The following TRIM9 variants were observed in gnomAD, a reference collection of about 807,000 sequenced individuals.
TRIM9 encodes the protein E3 ubiquitin-protein ligase TRIM9.
A neutral mutation model predicts 78.3 loss-of-function variants in TRIM9; 26 were observed. That is an observed-to-expected ratio of 0.33 (90% CI 0.24 to 0.46). TRIM9 has a LOEUF of 0.46. Among genes scored for constraint, TRIM9 ranks in the 20% least tolerant of loss-of-function variants. TRIM9 has a pLI of 1.00. For missense variants in TRIM9, 787 were observed against 1,036.4 expected, an observed-to-expected ratio of 0.76 and a Z score of 3.30; for synonymous variants, 398 against 416.5, an observed-to-expected ratio of 0.96 and a Z score of 0.54.
chr14:51,068,149 G>A (rs1402984579), intron 1 of TRIM9, among the ~76,000 whole-genome samples: 1 of 152,162 alleles, frequency 6.6e-6, no homozygotes, highest in Non-Finnish European at 1.5e-5. Flanking sequence ...AAGTTCCCAG[G>A]TGATGGTCTG....
At chr14:51,045,788 A>T (rs1354400643) in intron 1 of TRIM9, among the ~76,000 whole-genome samples, 1 of 152,164 alleles carries the variant, frequency 6.6e-6, no homozygotes, top group South Asian at 2.1e-4. Flanking sequence ...GTAATAAATA[A>T]TTTTTTTCAT....
chr14:51,041,940 T>C (rs968088464), intron 1 of TRIM9, among the ~76,000 whole-genome samples: 1 of 152,218 alleles, frequency 6.6e-6, no homozygotes, highest in Non-Finnish European at 1.5e-5. Flanking sequence ...TAACCTTGTA[T>C]CGCCGAATCC....
chr14:51,041,193 C>T (rs1566606968), intron 1 of TRIM9, among the ~76,000 whole-genome samples: 1 of 152,238 alleles, frequency 6.6e-6, no homozygotes, highest in Non-Finnish European at 1.5e-5. Flanking sequence ...ACAGTTTTCT[C>T]TCTGCTAGTT....
chr14:51,061,415 G>GAA lies in TRIM9; in HGVS notation c.822+32701_822+32702dup, dbSNP rs369630215. Among the ~76,000 whole-genome samples the GAA allele has an allele frequency of 5.5e-3, 734 of 133,826 alleles. 11 individuals carry two copies. In the East Asian group the frequency reaches 0.059, roughly 11 times the overall value. 87.8% of individuals were successfully genotyped at this position (133,826 alleles called of 152,430 possible). ...GTGACAAAGCAAGACTCTGTCTCAA[G>GAA]AAAAAAAAAAAAAAAATTGGATTGT... On this transcript the variant is annotated intron_variant, in intron 1 of 12. Coordinates refer to ENST00000684578, the MANE Select transcript of TRIM9 (RefSeq NM_001387360.1).
At chr14:51,011,046 G>A (rs187587691) in intron 3 of TRIM9, among the ~76,000 whole-genome samples, 5 of 152,310 alleles carry the variant, frequency 3.3e-5, no homozygotes, top group Admixed American at 6.5e-5. Context: ...GGACCTGGAA[G>A]GCCAAGGTGG....
intron 1 of TRIM9, among the ~76,000 whole-genome samples, chr14:51,087,667 A>G (rs1320190487): frequency 6.6e-6 from 1 of 152,228 alleles, no homozygotes; most frequent in African/African-American, 2.4e-5. Context: ...AATTGACCCA[A>G]AATGTCAATA....
intron 2 of TRIM9, among the ~76,000 whole-genome samples, chr14:51,024,412 T>C (rs1014002577): frequency 2.6e-5 from 4 of 152,222 alleles, no homozygotes; most frequent in African/African-American, 9.7e-5. Flanking sequence ...TGTAATTCTT[T>C]GAAAGGGTGG....
intron 1 of TRIM9, among the ~76,000 whole-genome samples, chr14:51,040,450 G>A (rs1451869212): frequency 2.0e-5 from 3 of 152,116 alleles, no homozygotes; most frequent in African/African-American, 4.8e-5. Context: ...TGGTCTGTGC[G>A]CCCTCCCACA....
intron 1 of TRIM9, among the ~76,000 whole-genome samples, chr14:51,031,715 TTTAA>T (rs1215816989): frequency 6.6e-6 from 1 of 152,222 alleles, no homozygotes; most frequent in Non-Finnish European, 1.5e-5. Context: ...TCCTTACCAC[TTTAA>T]TTAGTGTCCA....
chr14:51,053,597 T>TTTTTTTTTTTTTTTTTTTAG (rs2060638735), intron 1 of TRIM9, among the ~76,000 whole-genome samples: 1 of 91,910 alleles, frequency 1.1e-5, no homozygotes, highest in Non-Finnish European at 2.4e-5. Flanking sequence ...TTTTTTTAAT[T>TTTTTTTTTTTTTTTTTTTAG]TTTTTTTTTT....
chr14:51,017,956 A>C (rs1380002922), intron 3 of TRIM9, among the ~76,000 whole-genome samples: 1 of 152,076 alleles, frequency 6.6e-6, no homozygotes, highest in African/African-American at 2.4e-5. Flanking sequence ...AGAAGACTGC[A>C]AAATATGCCA....
chr14:51,066,349 A>G (rs113094847), intron 1 of TRIM9, among the ~76,000 whole-genome samples: 1 of 152,238 alleles, frequency 6.6e-6, no homozygotes, highest in African/African-American at 2.4e-5. Flanking sequence ...TTGCAAACCC[A>G]AAGGTCAGTA....
intron 7 of TRIM9, among the ~76,000 whole-genome samples, chr14:50,991,263 AACCAAAAATAGGGTT>A (rs2053474914): frequency 6.6e-6 from 1 of 152,214 alleles, no homozygotes; most frequent in African/African-American, 2.4e-5. Flanking sequence ...CACTTCCCAG[AACCAAAAATAGGGTT>A]CTGAATCTCA....
chr14:51,037,184 C>T (rs1469703648), intron 1 of TRIM9, among the ~76,000 whole-genome samples: 3 of 152,024 alleles, frequency 2.0e-5, no homozygotes, highest in East Asian at 1.9e-4. Flanking sequence ...AATTAAGAAG[C>T]GCCATTCTAA....
intron 1 of TRIM9, among the ~76,000 whole-genome samples, chr14:51,044,613 C>T (rs1018835809): frequency 6.6e-6 from 1 of 152,200 alleles, no homozygotes; most frequent in African/African-American, 2.4e-5. Flanking sequence ...ATGGAAACTT[C>T]AGGCCAAGGA....
rs1274089751 is a variant in TRIM9 at position 51,094,775 on chromosome 14, G to A, written c.165C>T (p.Ser55=). The A allele has an allele frequency of 2.6e-6, 4 of 1,527,598 alleles. No homozygotes were observed. Among genetic ancestry groups the A allele is most frequent in the Admixed American group, 2.2e-5 (1 of 45,468 alleles). 94.6% of individuals were successfully genotyped at this position (1,527,598 alleles called of 1,614,324 possible). A position where few individuals can be genotyped will look rare whatever the true frequency, so the allele number is the denominator to read the frequency against. Residue 55 remains serine (S), a synonymous_variant, in exon 1 of 13, where the codon TCC becomes TCT. Transcript: ENST00000684578. The stretch of plus-strand genomic sequence containing the variant: ...CCAGATAGTCATAGTCGGAGACCCC[G>A]GAGCCCGCGGCCCGATGGCTCTGGG... ...ESPQSHRAAG[S]GVSDYDYLDL... is the part of the protein sequence containing the mutation.
intron 1 of TRIM9, among the ~76,000 whole-genome samples, chr14:51,086,643 G>A (rs1192365354): frequency 6.6e-6 from 1 of 152,208 alleles, no homozygotes; most frequent in African/African-American, 2.4e-5. Flanking sequence ...TCTCACAGAA[G>A]CAATTATAAT....
At chr14:51,032,836 G>A (rs1399911478) in intron 1 of TRIM9, among the ~76,000 whole-genome samples, 1 of 152,204 alleles carries the variant, frequency 6.6e-6, no homozygotes, top group Non-Finnish European at 1.5e-5. Context: ...TCAATAAGTA[G>A]TACAGGTTGA....
intron 1 of TRIM9, among the ~76,000 whole-genome samples, chr14:51,029,148 T>C (rs568365836): frequency 5.5e-4 from 83 of 152,240 alleles, no homozygotes; most frequent in East Asian, 7.7e-4. Flanking sequence ...CGTGGCCTTT[T>C]CCCCTCAATT....
Sources: gnomAD v4.1 joint callset for allele counts (sites outside exome capture counted in the v4.1 genomes callset) on GRCh38, gnomAD v4.1.1 for gene constraint, MANE v1.5 for transcripts, NCBI Gene and HGNC (gene_info 2026-07-23, HGNC 2026-07-21) for gene names.